The following SVIL variants were observed in gnomAD, a reference collection of about 807,000 sequenced individuals.
The protein encoded by SVIL is supervillin.
Under a neutral mutation model 240.4 loss-of-function variants are expected in SVIL, and 101 were observed. The ratio of observed to expected loss-of-function variants is 0.42; its 90% CI spans 0.36 to 0.50. The LOEUF is 0.50. Among genes scored for constraint, SVIL ranks in the 20% least tolerant of loss-of-function variants. The pLI, the probability that SVIL is intolerant of heterozygous loss-of-function variation, is 0.01. For synonymous variants in SVIL, 999 were observed against 1,100.0 expected, an observed-to-expected ratio of 0.91 and a Z score of 1.82; for missense variants, 2,512 against 2,818.7, an observed-to-expected ratio of 0.89 and a Z score of 2.46.
chr10:29,519,853 C>G (rs1382458479), intron 16 of SVIL, among the ~76,000 whole-genome samples: 1 of 152,210 alleles, frequency 6.6e-6, no homozygotes, highest in Non-Finnish European at 1.5e-5. Flanking sequence ...TGTTAGCCAG[C>G]AGGTGTGTGT....
upstream of SVIL, among the ~76,000 whole-genome samples, chr10:29,637,651 C>A (rs552987049): frequency 1.8e-4 from 27 of 152,290 alleles, 1 homozygote; most frequent in South Asian, 5.4e-3. Flanking sequence ...CATGAATATG[C>A]CAAACTGATT....
intron 2 of SVIL, among the ~76,000 whole-genome samples, chr10:29,683,126 A>G (rs531088483): frequency 6.6e-6 from 1 of 152,316 alleles, no homozygotes; most frequent in Admixed American, 6.5e-5. Context: ...TAAGATGTAC[A>G]ATGGTTTGGT....
chr10:29,660,774 A>T (rs761293201), intron 2 of SVIL, among the ~76,000 whole-genome samples: 10 of 152,198 alleles, frequency 6.6e-5, no homozygotes, highest in Non-Finnish European at 1.0e-4. Flanking sequence ...TCAAACTCAT[A>T]GTGTGCACAG....
chr10:29,661,422 A>G (rs1339668996), intron 2 of SVIL, among the ~76,000 whole-genome samples: 1 of 152,238 alleles, frequency 6.6e-6, no homozygotes, highest in Non-Finnish European at 1.5e-5. Context: ...GAATAAAAGC[A>G]GAAAAGAATT....
intron 1 of SVIL, among the ~76,000 whole-genome samples, chr10:29,724,327 C>A (rs1964160261): frequency 6.8e-6 from 1 of 147,806 alleles, no homozygotes; most frequent in South Asian, 2.2e-4. Context: ...AAAAAAAGAG[C>A]CATGCAATGA....
intron 1 of SVIL, among the ~76,000 whole-genome samples, chr10:29,630,194 G>A (rs988917538): frequency 1.3e-5 from 2 of 151,998 alleles, no homozygotes; most frequent in African/African-American, 2.4e-5. Flanking sequence ...GGACCCACCC[G>A]GAGCTCTGCA....
At chr10:29,568,099 C>G (rs868224736) in intron 2 of SVIL, among the ~76,000 whole-genome samples, 3 of 151,428 alleles carry the variant, frequency 2.0e-5, no homozygotes, top group Admixed American at 6.6e-5. Flanking sequence ...ATGAGAAATA[C>G]GGATGCATCC....
chr10:29,585,668 C>G (rs1293283533), intron 1 of SVIL, among the ~76,000 whole-genome samples: 1 of 152,228 alleles, frequency 6.6e-6, no homozygotes, highest in Non-Finnish European at 1.5e-5. Context: ...AATACACACA[C>G]ACACACACTC....
intron 1 of SVIL, among the ~76,000 whole-genome samples, chr10:29,597,024 G>A (rs995356934): frequency 6.6e-6 from 1 of 152,186 alleles, no homozygotes; most frequent in Non-Finnish European, 1.5e-5. Context: ...AATGTCTGGT[G>A]ATGGTCCAGC....
intron 1 of SVIL, among the ~76,000 whole-genome samples, chr10:29,709,633 C>T (rs2479449): frequency 0.58 from 88,233 of 151,944 alleles, 26,100 homozygotes; most frequent in East Asian, 0.69. Context: ...GTGCCTGCAG[C>T]AGCTAGCAGC....
chr10:29,556,517 T>G (rs1953952633), intron 3 of SVIL, among the ~76,000 whole-genome samples: 1 of 152,230 alleles, frequency 6.6e-6, no homozygotes, highest in Admixed American at 6.5e-5. Context: ...TTTTCTTCAT[T>G]TATTTTTAAG....
intron 27 of SVIL, chr10:29,482,968 T>G (rs1947049802): frequency 1.3e-5 from 2 of 152,170 alleles, no homozygotes; most frequent in Admixed American, 1.3e-4. Flanking sequence ...ATGTCACAGC[T>G]GAGGCACATC....
intron 36 of SVIL, among the ~76,000 whole-genome samples, chr10:29,461,096 T>C (rs1360886032): frequency 6.6e-6 from 1 of 152,180 alleles, no homozygotes; most frequent in African/African-American, 2.4e-5. Flanking sequence ...ATTTGAGACT[T>C]ATGTCCTGTT....
In SVIL at chr10:29,530,619, CCT is replaced by C. The variant is rs776613906; in HGVS notation, c.2092_2093del (p.Arg698ValfsTer11). 1.9e-6 allele frequency: 3 copies of C among 1,614,136 alleles called. No homozygotes were observed. ...CAGCACAGCTTACCCTGAAAAGCAA[CCT>C]CTTGGCGGCGACGCTCAGCTTGGCT... ...ERAKLSVAAK[R>X]LLFREMEKSF... On this transcript the variant is annotated frameshift_variant, in exon 11 of 38. Coordinates refer to ENST00000355867, the MANE Select transcript of SVIL (RefSeq NM_021738.3). LOFTEE classifies it high-confidence loss of function.
chr10:29,709,962 A>C (rs1208250350), intron 1 of SVIL, among the ~76,000 whole-genome samples: 7 of 152,030 alleles, frequency 4.6e-5, no homozygotes, highest in Non-Finnish European at 7.4e-5. Flanking sequence ...TCTGAATTTC[A>C]GATTTGGGGG....
intron 2 of SVIL, among the ~76,000 whole-genome samples, chr10:29,678,140 G>T (rs1258077368): frequency 1.3e-5 from 2 of 151,824 alleles, no homozygotes; most frequent in Non-Finnish European, 2.9e-5. Context: ...GGGTTGAGGG[G>T]GATGGTTTCA....
At chr10:29,569,798 T>G (rs959742937) in intron 1 of SVIL, among the ~76,000 whole-genome samples, 4 of 151,926 alleles carry the variant, frequency 2.6e-5, no homozygotes, top group Non-Finnish European at 5.9e-5. Flanking sequence ...TTTGCTCTCA[T>G]TAAAATCTAC....
intron 5 of SVIL, among the ~76,000 whole-genome samples, chr10:29,553,872 T>G (rs1290799087): frequency 6.6e-6 from 1 of 152,202 alleles, no homozygotes; most frequent in African/African-American, 2.4e-5. Context: ...TCATTCAAGG[T>G]GCAGCTTTGA....
At chr10:29,706,964 T>C (rs1962932267) in intron 1 of SVIL, among the ~76,000 whole-genome samples, 1 of 152,198 alleles carries the variant, frequency 6.6e-6, no homozygotes, top group Non-Finnish European at 1.5e-5. Flanking sequence ...TGTGGTATTA[T>C]TTCTGAGGTC....
Sources: allele counts gnomAD v4.1 joint callset (sites outside exome capture counted in the v4.1 genomes callset), GRCh38; gene constraint gnomAD v4.1.1; transcripts MANE v1.5; gene names NCBI Gene and HGNC (gene_info 2026-07-23, HGNC 2026-07-21).